SCLT1: variants seen among roughly 807,000 people sequenced by gnomAD.
The protein encoded by SCLT1 is sodium channel-associated protein 1.
SCLT1 carries 78 observed loss-of-function variants against 112.8 expected under a neutral mutation model. That is an observed-to-expected ratio of 0.69 (90% CI 0.58 to 0.83). SCLT1 has a LOEUF of 0.83. Ranked by LOEUF, SCLT1 falls within the 40% of genes least tolerant of loss-of-function variation. The pLI is 0.00. For missense variants in SCLT1, 747 were observed against 770.4 expected (o/e 0.97, Z 0.36); for synonymous variants, 257 against 254.7 (o/e 1.01, Z -0.09).
chr4:128,966,186 A>G (rs1207796836), intron 10 of SCLT1, among the ~76,000 whole-genome samples: 1 of 149,976 alleles, frequency 6.7e-6, no homozygotes, highest in African/African-American at 2.5e-5. Context: ...GCTGCACTCA[A>G]ACTCCTTGGA....
intron 2 of SCLT1, among the ~76,000 whole-genome samples, chr4:129,044,693 C>T (rs1748015631): frequency 6.6e-6 from 1 of 151,790 alleles, no homozygotes; most frequent in East Asian, 1.9e-4. Flanking sequence ...TTGAGAATGT[C>T]AGCTCTCTAA....
intron 19 of SCLT1, among the ~76,000 whole-genome samples, chr4:128,890,118 T>G (rs921366868): frequency 1.3e-5 from 2 of 152,182 alleles, no homozygotes; most frequent in Non-Finnish European, 2.9e-5. Flanking sequence ...GGGAAAAAAT[T>G]CCATCATCTG....
At chr4:128,930,171 G>A (rs2167242) in intron 18 of SCLT1, among the ~76,000 whole-genome samples, 110,242 of 151,964 alleles carry the variant, frequency 0.73, 40,291 homozygotes, top group African/African-American at 0.81. Flanking sequence ...AAAGCATTAC[G>A]TCTTTTTGCT....
chr4:128,948,399 TA>T, intron 15 of SCLT1, 96 bp downstream of exon 15: 2 of 952,786 alleles, frequency 2.1e-6, no homozygotes, highest in Non-Finnish European at 2.7e-6. Context: ...TACTAACAAA[TA>T]AAGGAATTGC....
intron 18 of SCLT1, among the ~76,000 whole-genome samples, chr4:128,932,849 A>G (rs900352801): frequency 6.6e-6 from 1 of 152,172 alleles, no homozygotes; most frequent in African/African-American, 2.4e-5. Context: ...TCCATTTACA[A>G]TAGCTACTAA....
intron 9 of SCLT1, among the ~76,000 whole-genome samples, chr4:128,975,040 CTTT>C (rs34603915): frequency 3.4e-5 from 3 of 87,050 alleles, no homozygotes; most frequent in Non-Finnish European, 4.2e-5. Context: ...TGAATGACAA[CTTT>C]TTTTTTTTTT....
intron 8 of SCLT1, chr4:128,997,103 G>T (rs1743078239): frequency 6.6e-6 from 1 of 151,892 alleles, no homozygotes; most frequent in Non-Finnish European, 1.5e-5. Context: ...TATGTAATTA[G>T]ACACTTCAAA....
chr4:128,880,443 CT>C (rs1425593627), downstream of SCLT1, among the ~76,000 whole-genome samples: 2 of 152,200 alleles, frequency 1.3e-5, no homozygotes, highest in African/African-American at 2.4e-5. Context: ...GACATGGCCC[CT>C]ATCATACCTT....
chr4:128,992,348 A>G, intron 8 of SCLT1, 111 bp from the exon 9 acceptor site: 1 of 648,940 alleles, frequency 1.5e-6, no homozygotes, highest in Non-Finnish European at 2.5e-6. Flanking sequence ...TTTATGATAA[A>G]GATTAGATTT....
intron 4 of SCLT1, among the ~76,000 whole-genome samples, chr4:129,043,056 AGT>A (rs1345631118): frequency 6.6e-6 from 1 of 151,928 alleles, no homozygotes; most frequent in Non-Finnish European, 1.5e-5. Flanking sequence ...CTGGCGACAG[AGT>A]GAGATTCCAT....
chr4:128,984,199 T>C (rs753081110), intron 9 of SCLT1, among the ~76,000 whole-genome samples: 1 of 152,202 alleles, frequency 6.6e-6, no homozygotes, highest in Non-Finnish European at 1.5e-5. Flanking sequence ...TAGGCCCTAA[T>C]GTCCACACTA....
At chr4:128,889,032 A>G (rs951685439) in intron 19 of SCLT1, among the ~76,000 whole-genome samples, 4 of 152,266 alleles carry the variant, frequency 2.6e-5, no homozygotes, top group Non-Finnish European at 5.9e-5. Context: ...ACTCGGAAGA[A>G]TAAGACTTTC....
intron 1 of SCLT1, among the ~76,000 whole-genome samples, chr4:129,088,487 T>C (rs1013691205): frequency 6.6e-6 from 1 of 152,244 alleles, no homozygotes; most frequent in Non-Finnish European, 1.5e-5. Context: ...CCACCACTTC[T>C]GTTCAATACT....
At chr4:128,946,249 G>A in intron 15 of SCLT1, 97 bp from the exon 16 acceptor site, 1 of 722,094 alleles carries the variant, frequency 1.4e-6, no homozygotes, top group Non-Finnish European at 2.2e-6. Flanking sequence ...AAAAAGCCAT[G>A]ATTATGTGTT....
chr4:128,889,145 T>A (rs1733116769), intron 19 of SCLT1, among the ~76,000 whole-genome samples: 1 of 152,206 alleles, frequency 6.6e-6, no homozygotes, highest in Admixed American at 6.5e-5. Context: ...ACTGTTTCTG[T>A]ATGTTCCCCA....
chr4:128,919,848 G>C (rs903425335), intron 18 of SCLT1, among the ~76,000 whole-genome samples: 1 of 151,974 alleles, frequency 6.6e-6, no homozygotes, highest in African/African-American at 2.4e-5. Context: ...TATTGAACTA[G>C]GAAGAAATTC....
chr4:128,925,932 TATC>T (rs1367703244), intron 18 of SCLT1, among the ~76,000 whole-genome samples: 2 of 151,980 alleles, frequency 1.3e-5, no homozygotes, highest in Non-Finnish European at 2.9e-5. Flanking sequence ...CTTCTCTCCT[TATC>T]ATCTTCATGT....
chr4:128,962,414 A>C (rs1310984663), intron 11 of SCLT1, among the ~76,000 whole-genome samples: 1 of 152,152 alleles, frequency 6.6e-6, no homozygotes, highest in East Asian at 1.9e-4. Context: ...GGTCCACTCA[A>C]ATATCTGCCT....
chr4:129,066,603 T>C (rs1750509403), intron 2 of SCLT1, among the ~76,000 whole-genome samples: 1 of 152,012 alleles, frequency 6.6e-6, no homozygotes, highest in Non-Finnish European at 1.5e-5. Flanking sequence ...TGAAACATTA[T>C]CGCAAAATTA....
Sources: allele counts gnomAD v4.1 joint callset (sites outside exome capture counted in the v4.1 genomes callset), GRCh38; gene constraint gnomAD v4.1.1; transcripts MANE v1.5; gene names NCBI Gene and HGNC (gene_info 2026-07-23, HGNC 2026-07-21).